The following MCF2L2 variants were observed in gnomAD, a reference collection of about 807,000 sequenced individuals.
MCF2L2 encodes the protein MCF.2 cell line derived transforming sequence-like 2.
In MCF2L2, 102 loss-of-function variants were observed where a neutral mutation model predicts 150.2. That is an observed-to-expected ratio of 0.68 (90% confidence interval 0.58 to 0.80). MCF2L2 has a LOEUF of 0.80. MCF2L2 is among the 30% of genes least tolerant of loss of function. The probability of loss-of-function intolerance (pLI) is 0.00; values close to 1 mark genes in which losing one functional copy is unlikely to be tolerated. For synonymous variants in MCF2L2, 465 were observed against 491.3 expected, an observed-to-expected ratio of 0.95 and a Z score of 0.71; for missense variants, 1,256 against 1,372.8, an observed-to-expected ratio of 0.91 and a Z score of 1.34.
intron 1 of MCF2L2, among the ~76,000 whole-genome samples, chr3:183,424,266 A>G (rs1716049018): frequency 6.6e-6 from 1 of 152,172 alleles, no homozygotes; most frequent in South Asian, 2.1e-4. Context: ...TGTGAACTGC[A>G]TATTTTATAA....
intron 12 of MCF2L2, 42 bp from the exon 13 acceptor site, chr3:183,295,519 T>C (rs775153013): frequency 1.1e-5 from 17 of 1,592,958 alleles, no homozygotes; most frequent in Middle Eastern, 1.7e-4. Context: ...GGTCTCTCTG[T>C]ATACAGCCTG....
At chr3:183,404,681 T>C (rs1714948570) in intron 1 of MCF2L2, among the ~76,000 whole-genome samples, 1 of 152,050 alleles carries the variant, frequency 6.6e-6, no homozygotes, top group Admixed American at 6.6e-5. Context: ...GCCAACATGG[T>C]GAAACCCCGT....
In MCF2L2 at chr3:183,228,308, A is replaced by G; in HGVS notation, c.2104T>C (p.Phe702Leu). Residue 702 changes from phenylalanine (F) to leucine (L), a missense_variant, in exon 18 of 30, where the codon TTT (phenylalanine) becomes CTT (leucine). By Grantham distance (22) the Phe-to-Leu change is conservative. Coordinates refer to ENST00000328913, the MANE Select transcript of MCF2L2 (RefSeq NM_015078.4). ...AENPELLAHCFLKRKEDLQIY... is the reference protein window; with the variant it reads ...AENPELLAHCLLKRKEDLQIY... ...GAGTACAGACTTACTCTCTTGAGAA[A>G]GCAATGTGCCAGAAGTTCAGGGTTC... 6.2e-7 allele frequency: 1 copy of G among 1,613,344 alleles called. No homozygotes were observed. Among genetic ancestry groups the G allele is most frequent in the Non-Finnish European group, 8.5e-7 (1 of 1,179,374 alleles).
At chr3:183,300,827 A>C (rs756369841) in intron 10 of MCF2L2, among the ~76,000 whole-genome samples, 4 of 151,764 alleles carry the variant, frequency 2.6e-5, no homozygotes, top group Admixed American at 6.6e-5. Context: ...GACGCGCCTG[A>C]CCAACGTGGA....
At chr3:183,424,701 GTCA>G (rs1258049107) in intron 1 of MCF2L2, among the ~76,000 whole-genome samples, 4 of 152,172 alleles carry the variant, frequency 2.6e-5, no homozygotes, top group African/African-American at 7.2e-5. Context: ...AGAGTCAGGA[GTCA>G]TCATGTCCCA....
At chr3:183,196,275 T>C (rs952384928) in intron 25 of MCF2L2, among the ~76,000 whole-genome samples, 1 of 152,138 alleles carries the variant, frequency 6.6e-6, no homozygotes, top group Admixed American at 6.5e-5. Context: ...GCTCCCAGTG[T>C]CATTCCTCTC....
chr3:183,402,451 C>CAAAAAAA (rs779201489), intron 1 of MCF2L2, among the ~76,000 whole-genome samples: 72 of 54,770 alleles, frequency 1.3e-3, no homozygotes, highest in African/African-American at 2.8e-3. Context: ...GAGACTCCAT[C>CAAAAAAA]AAAAAAAAAA....
chr3:183,299,879 G>T, intron 11 of MCF2L2, 126 bp downstream of exon 11: 3 of 1,058,502 alleles, frequency 2.8e-6, no homozygotes, highest in African/African-American at 1.6e-5. Context: ...AATGCCTCTC[G>T]AACATCTTTT....
At chr3:183,238,541 C>T (rs112303981) in intron 15 of MCF2L2, among the ~76,000 whole-genome samples, 2,529 of 151,700 alleles carry the variant, frequency 0.017, 66 homozygotes, top group African/African-American at 0.055. Flanking sequence ...GATCCACCCT[C>T]CTTGGTCTCC....
intron 11 of MCF2L2, chr3:183,297,548 C>T (rs553687477): frequency 5.8e-6 from 1 of 171,324 alleles, no homozygotes; most frequent in South Asian, 1.3e-4. Context: ...GAGAGGTCTA[C>T]CCCAGGCTCA....
chr3:183,295,116 C>G (rs893116129), intron 13 of MCF2L2, among the ~76,000 whole-genome samples, 184 bp downstream of exon 13: 1 of 152,190 alleles, frequency 6.6e-6, no homozygotes, highest in African/African-American at 2.4e-5. Context: ...CTCCTTGCAT[C>G]CAGGCACTTG....
chr3:183,320,827 G>C (rs1398031406), intron 6 of MCF2L2, among the ~76,000 whole-genome samples: 1 of 152,158 alleles, frequency 6.6e-6, no homozygotes, highest in Non-Finnish European at 1.5e-5. Flanking sequence ...CTCAACTTTT[G>C]ACATGCCTTC....
At chr3:183,354,116 C>T (rs1711623221) in intron 3 of MCF2L2, among the ~76,000 whole-genome samples, 1 of 152,126 alleles carries the variant, frequency 6.6e-6, no homozygotes, top group African/African-American at 2.4e-5. Flanking sequence ...CTCAAATGTC[C>T]AGCATTAACA....
chr3:183,247,802 A>G (rs1724323930), intron 15 of MCF2L2, among the ~76,000 whole-genome samples: 2 of 152,196 alleles, frequency 1.3e-5, no homozygotes, highest in African/African-American at 4.8e-5. Context: ...GAGAGTGTGC[A>G]TAGGTTATAT....
At chr3:183,222,712 T>C (rs924469586) in intron 20 of MCF2L2, among the ~76,000 whole-genome samples, 1 of 152,174 alleles carries the variant, frequency 6.6e-6, no homozygotes, top group Non-Finnish European at 1.5e-5. Context: ...AGACAACTTA[T>C]CGTGGTGGCC....
intron 3 of MCF2L2, among the ~76,000 whole-genome samples, chr3:183,346,224 G>A (rs763923424): frequency 4.6e-5 from 7 of 152,112 alleles, no homozygotes; most frequent in South Asian, 2.1e-4. Context: ...TATCCACCAC[G>A]ATCAAGTCGG....
chr3:183,284,390 G>T (rs944745486), intron 14 of MCF2L2, among the ~76,000 whole-genome samples: 1 of 151,974 alleles, frequency 6.6e-6, no homozygotes, highest in African/African-American at 2.4e-5. Context: ...CTGCATTCTT[G>T]TCACCAAACG....
chr3:183,270,676 T>C lies in MCF2L2; in HGVS notation c.1862+6196A>G, dbSNP rs1381521749. ...TTCATGGGCCTCTGTGCCAATAAAA[T>C]AGGGATAGTACCGCAGGACCATGTG... On this transcript the variant is annotated intron_variant, in intron 15 of 29. Transcript: ENST00000328913. The surrounding 1 kb of genome is among the most constrained non-coding windows in gnomAD (Gnocchi z 4.5). The C allele has an allele frequency of 1.9e-6, 3 of 1,614,112 alleles. No individual in the cohort carries two copies. Among genetic ancestry groups the C allele is most frequent in the East Asian group, 2.2e-5 (1 of 44,884 alleles).
chr3:183,365,481 T>C (rs1231480626), intron 3 of MCF2L2, among the ~76,000 whole-genome samples: 3 of 152,208 alleles, frequency 2.0e-5, no homozygotes, highest in South Asian at 2.1e-4. Flanking sequence ...CATTTATGAA[T>C]AGACAGACAC....
Sources: gnomAD v4.1 joint callset for allele counts (sites outside exome capture counted in the v4.1 genomes callset) on GRCh38, gnomAD v4.1.1 for gene constraint, Gnocchi (gnomAD v3.1) non-coding constraint, MANE v1.5 for transcripts, NCBI Gene and HGNC (gene_info 2026-07-23, HGNC 2026-07-21) for gene names.